EXOC6B: variants seen among roughly 807,000 people sequenced by gnomAD.
The protein encoded by EXOC6B is SEC15 homolog B.
EXOC6B carries 54 observed loss-of-function variants against 113.5 expected under a neutral mutation model. The ratio of observed to expected loss-of-function variants is 0.48; its 90% CI spans 0.38 to 0.60. The LOEUF (loss-of-function observed/expected upper bound fraction) is 0.60. Ranked by LOEUF, EXOC6B falls within the 20% of genes least tolerant of loss-of-function variation. The pLI, the probability that EXOC6B is intolerant of heterozygous loss-of-function variation, is 0.00. For missense variants in EXOC6B, 797 were observed against 977.5 expected, an observed-to-expected ratio of 0.82 and a Z score of 2.46; for synonymous variants, 357 against 339.0, an observed-to-expected ratio of 1.05 and a Z score of -0.58.
intron 20 of EXOC6B, among the ~76,000 whole-genome samples, chr2:72,247,891 C>G (rs1682765942): frequency 6.6e-6 from 1 of 152,134 alleles, no homozygotes; most frequent in African/African-American, 2.4e-5. Flanking sequence ...GAACTTGGAT[C>G]TCTTTCTTAA....
rs924927775 is a variant in EXOC6B at position 72,664,777 on chromosome 2, TG to T, written c.669+53325del. ...TCCAGTTTGGCTTCTCCCATAGGAG[TG>T]TGTGCACAGCGTAGCCTCTATTGTG... On this transcript the variant is annotated intron_variant, in intron 6 of 21. Transcript: ENST00000272427. Among the ~76,000 whole-genome samples, 6 of 152,216 alleles carry T rather than the reference TG, an allele frequency of 3.9e-5. 1 individual carries two copies. Among genetic ancestry groups the T allele is most frequent in the Admixed American group, 1.3e-4 (2 of 15,302 alleles).
chr2:72,796,728 C>T (rs1035411447), intron 1 of EXOC6B, among the ~76,000 whole-genome samples: 2 of 152,168 alleles, frequency 1.3e-5, no homozygotes, highest in South Asian at 2.1e-4. Flanking sequence ...TCTTGGCACA[C>T]GCCATAGGCC....
At chr2:72,492,452 C>A (rs550569496) in intron 15 of EXOC6B, 23 bp from the exon 16 acceptor site, 1 of 1,477,408 alleles carries the variant, frequency 6.8e-7, no homozygotes, top group South Asian at 1.1e-5. Flanking sequence ...CATTAAGAGT[C>A]AGTCATAGCA....
chr2:72,544,050 C>T (rs1702766285), intron 8 of EXOC6B, among the ~76,000 whole-genome samples: 1 of 152,154 alleles, frequency 6.6e-6, no homozygotes, highest in Admixed American at 6.5e-5. Flanking sequence ...ATTGGGTCCT[C>T]AAAGGTGTAA....
intron 8 of EXOC6B, among the ~76,000 whole-genome samples, chr2:72,529,786 T>C (rs1701905301): frequency 6.6e-6 from 1 of 152,122 alleles, no homozygotes; most frequent in Admixed American, 6.5e-5. Context: ...TTTAAATTAT[T>C]TAATTCAATT....
intron 18 of EXOC6B, among the ~76,000 whole-genome samples, chr2:72,438,949 A>C (rs1159508466): frequency 1.3e-5 from 2 of 152,208 alleles, no homozygotes; most frequent in Non-Finnish European, 2.9e-5. Context: ...AGCTATTAAT[A>C]AACTATTAGG....
rs541353441 is a variant in EXOC6B, at chr2:72,698,188, A to C, written c.669+19915T>G. Among the ~76,000 whole-genome samples the C allele has an allele frequency of 5.9e-5, 9 of 152,284 alleles. No homozygotes were observed. In the South Asian group the frequency reaches 1.7e-3, roughly 28 times the overall value. Reference sequence around the variant, plus strand: ...GAAAGAGGAATTAACTGACAGTACAAGGAAATGACACAGAGCACAGGTGGA... The same window carrying C: ...GAAAGAGGAATTAACTGACAGTACACGGAAATGACACAGAGCACAGGTGGA... On this transcript the variant is annotated intron_variant, in intron 6 of 21. Transcript: ENST00000272427.
intron 20 of EXOC6B, among the ~76,000 whole-genome samples, chr2:72,316,037 A>G (rs1687493292): frequency 6.6e-6 from 1 of 152,184 alleles, no homozygotes; most frequent in African/African-American, 2.4e-5. Flanking sequence ...AATTGGTTGT[A>G]GAGTTTGGAT....
chr2:72,371,492 C>A (rs1691013088), intron 19 of EXOC6B, among the ~76,000 whole-genome samples: 1 of 152,078 alleles, frequency 6.6e-6, no homozygotes, highest in African/African-American at 2.4e-5. Context: ...TTCATCATGA[C>A]CAAGTGGGAT....
chr2:72,442,705 G>A (rs1382073262), intron 18 of EXOC6B, among the ~76,000 whole-genome samples: 2 of 152,032 alleles, frequency 1.3e-5, no homozygotes, highest in Non-Finnish European at 2.9e-5. Flanking sequence ...ATCTCTGCAA[G>A]GAAAATTACA....
intron 1 of EXOC6B, among the ~76,000 whole-genome samples, chr2:72,744,396 T>C (rs1376046172): frequency 2.0e-5 from 3 of 152,196 alleles, no homozygotes; most frequent in African/African-American, 4.8e-5. Flanking sequence ...ATCTCTGCTT[T>C]GACAAGTAGG....
intron 20 of EXOC6B, among the ~76,000 whole-genome samples, chr2:72,296,301 G>C (rs1310621758): frequency 6.6e-6 from 1 of 152,016 alleles, no homozygotes; most frequent in African/African-American, 2.4e-5. Context: ...GGGTCTTTCA[G>C]ACTCTTCCAG....
chr2:72,181,752 A>T (rs191369603), intron 21 of EXOC6B, among the ~76,000 whole-genome samples: 4 of 152,214 alleles, frequency 2.6e-5, no homozygotes, highest in Admixed American at 2.6e-4. Context: ...GGCCATTAAG[A>T]CCTGGAGTTG....
chr2:72,194,569 TTC>T (rs141826011), intron 20 of EXOC6B, among the ~76,000 whole-genome samples: 6,431 of 143,252 alleles, frequency 0.045, 188 homozygotes, highest in Admixed American at 0.093. Context: ...GGTGAATGAT[TTC>T]TCTCTCTCTC....
rs186790022 is a variant in EXOC6B, at chr2:72,449,199, T to C, written c.1980+15961A>G. ...CTACAGCATTGTCAATTTTTTTTTT[T>C]TGAGACGGAGTCTCGCTCTGTCGCC... On this transcript the variant is annotated intron_variant, in intron 18 of 21. Transcript: ENST00000272427. Among the ~76,000 whole-genome samples the C allele has an allele frequency of 2.6e-5, 4 of 152,320 alleles. No individual in the cohort carries two copies. The East Asian group carries it at 5.8e-4, about 22-fold the overall frequency.
At chr2:72,651,104 A>C (rs1674137574) in intron 6 of EXOC6B, among the ~76,000 whole-genome samples, 1 of 152,222 alleles carries the variant, frequency 6.6e-6, no homozygotes, top group Non-Finnish European at 1.5e-5. Flanking sequence ...CTGAGCGTTC[A>C]CTATGGACCC....
intron 20 of EXOC6B, among the ~76,000 whole-genome samples, chr2:72,310,262 G>T (rs1219468512): frequency 6.6e-6 from 1 of 152,116 alleles, no homozygotes; most frequent in East Asian, 1.9e-4. Flanking sequence ...AACAACGAAT[G>T]AGGCATCCAA....
chr2:72,486,741 A>C lies in EXOC6B; in HGVS notation c.1665+5577T>G, dbSNP rs1699442637. ...TCCCTTTAACTGTGTATTCTATCTTAAACTCTCTTACTTAAGGACATTGCA... is the reference window on the plus strand; with the variant it reads ...TCCCTTTAACTGTGTATTCTATCTTCAACTCTCTTACTTAAGGACATTGCA... On this transcript the variant is annotated intron_variant, in intron 16 of 21. Coordinates refer to ENST00000272427, the MANE Select transcript of EXOC6B (RefSeq NM_015189.3). Among the ~76,000 whole-genome samples, 4 of 152,146 alleles carry C rather than the reference A, an allele frequency of 2.6e-5. 1 individual carries two copies. In the South Asian group the frequency reaches 8.3e-4, roughly 31 times the overall value.
chr2:72,561,095 G>A (rs1703863843), intron 7 of EXOC6B, among the ~76,000 whole-genome samples: 1 of 151,948 alleles, frequency 6.6e-6, no homozygotes, highest in Non-Finnish European at 1.5e-5. Flanking sequence ...CTGCAAAGTA[G>A]AGACCCAAAG....
Sources: gnomAD v4.1 joint callset for allele counts (sites outside exome capture counted in the v4.1 genomes callset) on GRCh38, gnomAD v4.1.1 for gene constraint, MANE v1.5 for transcripts, NCBI Gene and HGNC (gene_info 2026-07-23, HGNC 2026-07-21) for gene names.